PKHD1: variants seen among roughly 807,000 people sequenced by gnomAD.
The protein encoded by PKHD1 is PKHD1 ciliary IPT domain containing fibrocystin/polyductin.
A neutral mutation model predicts 412.0 loss-of-function variants in PKHD1; 291 were observed. The ratio of observed to expected loss-of-function variants is 0.71; its 90% CI spans 0.64 to 0.78. The LOEUF is 0.78. Among genes scored for constraint, PKHD1 ranks in the 30% least tolerant of loss-of-function variants. The pLI is 0.00. For synonymous variants in PKHD1, 1,777 were observed against 1,821.5 expected (o/e 0.98, Z 0.62); for missense variants, 4,825 against 4,950.7 (o/e 0.97, Z 0.76).
chr6:51,855,281 C>A (rs866133384), intron 49 of PKHD1, among the ~76,000 whole-genome samples: 1 of 152,164 alleles, frequency 6.6e-6, no homozygotes, highest in East Asian at 1.9e-4. Flanking sequence ...CCTTGGTTGC[C>A]GATGAAGGCT....
At chr6:51,923,339 G>A (rs1378810692) in intron 37 of PKHD1, among the ~76,000 whole-genome samples, 1 of 152,118 alleles carries the variant, frequency 6.6e-6, no homozygotes, top group Non-Finnish European at 1.5e-5. Context: ...CGTGGTCTCT[G>A]TCATAATGAC....
intron 49 of PKHD1, among the ~76,000 whole-genome samples, chr6:51,855,027 C>T (rs773380541): frequency 6.6e-6 from 1 of 152,196 alleles, no homozygotes; most frequent in South Asian, 2.1e-4. Flanking sequence ...CTGCTTAGGG[C>T]TCTAGGCCCG....
chr6:51,702,158 T>C (rs953005936), intron 60 of PKHD1, among the ~76,000 whole-genome samples: 9 of 146,366 alleles, frequency 6.1e-5, no homozygotes, highest in Non-Finnish European at 1.1e-4. Flanking sequence ...TTATATATTA[T>C]ATATATTATA....
intron 35 of PKHD1, among the ~76,000 whole-genome samples, chr6:52,008,986 G>A (rs1326867077): frequency 6.6e-6 from 1 of 152,132 alleles, no homozygotes; most frequent in African/African-American, 2.4e-5. Flanking sequence ...GCCCAGAGAG[G>A]CTTAAAGATC....
At chr6:52,003,603 G>T (rs1303210032) in intron 35 of PKHD1, among the ~76,000 whole-genome samples, 1 of 152,088 alleles carries the variant, frequency 6.6e-6, no homozygotes, top group Non-Finnish European at 1.5e-5. Context: ...CTTTATTGCG[G>T]TATGTTTTGA....
intron 35 of PKHD1, among the ~76,000 whole-genome samples, chr6:51,995,159 T>C (rs12212492): frequency 0.094 from 14,246 of 152,144 alleles, 688 homozygotes; most frequent in East Asian, 0.14. Context: ...AAGCACTGCC[T>C]GTCATGTAAT....
At chr6:52,040,344 C>G (rs1226309796) in intron 27 of PKHD1, among the ~76,000 whole-genome samples, 1 of 152,114 alleles carries the variant, frequency 6.6e-6, no homozygotes, top group Non-Finnish European at 1.5e-5. Flanking sequence ...AGGTATACTA[C>G]CCTAGGCCAA....
chr6:51,854,611 G>T (rs6918230), intron 49 of PKHD1, among the ~76,000 whole-genome samples: 61,805 of 151,930 alleles, frequency 0.41, 13,770 homozygotes, highest in East Asian at 0.85. Context: ...ATTCTGTCCC[G>T]GAGCCTCTGG....
chr6:51,997,600 A>C (rs1322961342), intron 35 of PKHD1, among the ~76,000 whole-genome samples: 1 of 152,254 alleles, frequency 6.6e-6, no homozygotes, highest in Admixed American at 6.5e-5. Flanking sequence ...AAGGAAATAA[A>C]TAGAGACTTA....
At chr6:51,694,207 T>C (rs1219312502) in intron 60 of PKHD1, among the ~76,000 whole-genome samples, 1 of 152,046 alleles carries the variant, frequency 6.6e-6, no homozygotes, top group Non-Finnish European at 1.5e-5. Context: ...TGCCTGCAAA[T>C]GTTTTCTTTC....
intron 61 of PKHD1, among the ~76,000 whole-genome samples, chr6:51,652,945 A>AT (rs1771196932): frequency 6.6e-6 from 1 of 152,172 alleles, no homozygotes; most frequent in African/African-American, 2.4e-5. Flanking sequence ...GGGACTTGAA[A>AT]TATAAAATGA....
At position 51,660,043 on chromosome 6, in the gene PKHD1, C is replaced by A. The variant is rs547984797; in HGVS notation, c.10157-74G>T. 3.3e-6 allele frequency: 3 copies of A among 916,582 alleles called. No individual in the cohort carries two copies. In the African/African-American group the frequency reaches 4.9e-5, roughly 15 times the overall value. The allele number at this position is 916,582 out of a possible 1,614,324, so 56.8% of individuals were successfully genotyped here. A position where few individuals can be genotyped will look rare whatever the true frequency, so the allele number is the denominator to read the frequency against. Reference sequence around the variant, plus strand: ...CAATGATTATTTGTAATCCATCACTCTTGCCATCATCTATAACTGGATAAA... The same window carrying A: ...CAATGATTATTTGTAATCCATCACTATTGCCATCATCTATAACTGGATAAA... On this transcript the variant is annotated intron_variant, in intron 60 of 66. Transcript: ENST00000371117.
Position 51,855,993 on chromosome 6 carries a change from C to A in PKHD1, c.7811G>T (p.Arg2604Leu), listed in dbSNP as rs375311338. 1 of 1,608,838 alleles carries A rather than the reference C, an allele frequency of 6.2e-7. No individual in the cohort carries two copies. The highest frequency in any genetic ancestry group is 1.3e-5 in the African/African-American group (1 of 74,922). ...RNKTTTVNYV[R>L]DTLSNPRGWM... ...GCCACGAGGGTTAGACAATGTATCA[C>A]GTACATAATTGACAGTGGTTGTTTT... The change falls in exon 49 of 67, where the codon CGT (arginine) becomes CTT (leucine). Residue 2604 changes from arginine (R) to leucine (L), a missense_variant. Physicochemically the swap from Arg to Leu is moderately radical, Grantham distance 102 (BLOSUM62 -2). Coordinates refer to ENST00000371117, the MANE Select transcript of PKHD1 (RefSeq NM_138694.4).
intron 60 of PKHD1, among the ~76,000 whole-genome samples, chr6:51,694,544 C>T (rs993627199): frequency 1.5e-5 from 2 of 129,210 alleles, no homozygotes; most frequent in Non-Finnish European, 3.2e-5. Flanking sequence ...CCACCACAAC[C>T]AGCCTTTTTT....
chr6:51,970,582 G>A (rs753362899), intron 35 of PKHD1, among the ~76,000 whole-genome samples: 52 of 152,140 alleles, frequency 3.4e-4, no homozygotes, highest in Admixed American at 7.2e-4. Context: ...TTATACTGTC[G>A]GGTGTTACAT....
intron 57 of PKHD1, among the ~76,000 whole-genome samples, chr6:51,749,305 T>C (rs1223178768): frequency 1.3e-5 from 2 of 152,206 alleles, no homozygotes; most frequent in Admixed American, 6.5e-5. Context: ...CTTTATTCAC[T>C]GTTTCATTTT....
At position 52,058,571 on chromosome 6, in the gene PKHD1, C is replaced by A; in HGVS notation, c.1264G>T (p.Ala422Ser). The change falls in exon 16 of 67, where the codon GCT becomes TCT. Residue 422 changes from alanine to serine, a missense_variant. Physicochemically the swap from Ala to Ser is moderately conservative, Grantham distance 99. Transcript: ENST00000371117. ...TGCTCCCAGGAGTCAAACCAGTCAG[C>A]AGTGCCGACGCTGATGGAGGCCACT... Reference protein sequence around the residue: ...VKVASISVGTADWFDSWEQNR... With the variant: ...VKVASISVGTSDWFDSWEQNR... 6.2e-7 allele frequency: 1 copy of A among 1,614,168 alleles called. No homozygotes were observed. The highest frequency in any genetic ancestry group is 8.5e-7 in the Non-Finnish European group (1 of 1,180,018).
chr6:52,039,561 C>A (rs527476373), intron 27 of PKHD1, among the ~76,000 whole-genome samples: 55 of 152,296 alleles, frequency 3.6e-4, no homozygotes, highest in Admixed American at 2.2e-3. Context: ...GTCAATTACA[C>A]CTCTTTTCTT....
At chr6:51,739,729 G>A (rs868416685) in intron 60 of PKHD1, among the ~76,000 whole-genome samples, 8 of 152,084 alleles carry the variant, frequency 5.3e-5, no homozygotes, top group South Asian at 2.1e-4. Flanking sequence ...CAATTTCAGC[G>A]TGTAGCATAA....
Sources: gnomAD v4.1 joint callset for allele counts (sites outside exome capture counted in the v4.1 genomes callset) on GRCh38, gnomAD v4.1.1 for gene constraint, MANE v1.5 for transcripts, NCBI Gene and HGNC (gene_info 2026-07-23, HGNC 2026-07-21) for gene names.